Variants in USP14 observed in about 807,000 individuals in gnomAD.
USP14 encodes the protein ubiquitin carboxyl-terminal hydrolase 14.
USP14 carries 38 observed loss-of-function variants against 76.5 expected under a neutral mutation model. That is an observed-to-expected ratio of 0.50 (90% confidence interval 0.38 to 0.65). The LOEUF (loss-of-function observed/expected upper bound fraction) is 0.65, where lower values mean the gene tolerates loss of function less well. Ranked by LOEUF, USP14 falls within the 30% of genes least tolerant of loss-of-function variation. USP14 has a pLI of 0.00. For missense variants in USP14, 467 were observed against 586.5 expected (o/e 0.80, Z 2.10); for synonymous variants, 192 against 191.7 (o/e 1.00, Z -0.01).
At chr18:163,881 C>T (rs1434839907) in intron 2 of USP14, among the ~76,000 whole-genome samples, 2 of 150,614 alleles carry the variant, frequency 1.3e-5, no homozygotes, top group Non-Finnish European at 2.9e-5. Context: ...GTTCCAGTGT[C>T]TTTTGTTCCT....
intron 5 of USP14, among the ~76,000 whole-genome samples, chr18:181,965 G>C (rs981781886): frequency 3.3e-5 from 5 of 152,092 alleles, no homozygotes; most frequent in Non-Finnish European, 7.4e-5. Flanking sequence ...AGTATCATTT[G>C]TTGAAGGCTA....
chr18:174,268 C>CT (rs34265974), intron 3 of USP14, among the ~76,000 whole-genome samples: 4,071 of 130,520 alleles, frequency 0.031, 197 homozygotes, highest in African/African-American at 0.11. Flanking sequence ...GTTTTTCTTT[C>CT]TTTTTTTTTT....
chr18:160,523 C>G (rs1307858761), intron 1 of USP14, among the ~76,000 whole-genome samples: 1 of 152,138 alleles, frequency 6.6e-6, no homozygotes, highest in South Asian at 2.1e-4. Context: ...ACCCCCGTCT[C>G]TAAAAATAAA....
chr18:164,156 A>G (rs998089699), intron 2 of USP14, among the ~76,000 whole-genome samples: 35 of 152,166 alleles, frequency 2.3e-4, no homozygotes, highest in African/African-American at 8.2e-4. Context: ...TTTTTTTCCT[A>G]TGAGGATGTA....
intron 5 of USP14, among the ~76,000 whole-genome samples, chr18:191,423 A>C (rs1313647251): frequency 6.6e-6 from 1 of 152,204 alleles, no homozygotes; most frequent in Non-Finnish European, 1.5e-5. Context: ...TTTTAAATTG[A>C]GATATAATTC....
At chr18:189,629 C>T (rs1022325581) in intron 5 of USP14, among the ~76,000 whole-genome samples, 14 of 152,164 alleles carry the variant, frequency 9.2e-5, no homozygotes, top group African/African-American at 1.7e-4. Flanking sequence ...ACTACAGGCG[C>T]GTGTCACAAC....
chr18:177,566 A>C (rs1909661012), intron 3 of USP14, among the ~76,000 whole-genome samples: 1 of 151,818 alleles, frequency 6.6e-6, no homozygotes, highest in African/African-American at 2.4e-5. Flanking sequence ...TCTTAACTGA[A>C]CTAATTTCCT....
Position 158,581 on chromosome 18 carries a change from C to T in USP14, c.-118C>T, listed in dbSNP as rs1443557871. On this transcript the variant is annotated 5_prime_UTR_variant, in exon 1 of 16. Transcript: ENST00000261601. ...TGAATGAGACTCGTCGCACCGAAGCCGCCGCCACCACCGCGCCTCCGCCTC... is the reference window on the plus strand; with the variant it reads ...TGAATGAGACTCGTCGCACCGAAGCTGCCGCCACCACCGCGCCTCCGCCTC... The T allele has an allele frequency of 4.6e-5, 51 of 1,099,354 alleles. No individual in the cohort carries two copies. The highest frequency in any genetic ancestry group is 2.6e-4 in the South Asian group (17 of 65,714). 68.1% of individuals were successfully genotyped at this position (1,099,354 alleles called of 1,614,324 possible). A position where few individuals can be genotyped will look rare whatever the true frequency, so the allele number is the denominator to read the frequency against.
In USP14 at chr18:158,616, C is replaced by T. The variant is rs1568413025; in HGVS notation, c.-83C>T. 3.4e-6 allele frequency: 5 copies of T among 1,454,288 alleles called. No individual in the cohort carries two copies. Among genetic ancestry groups the T allele is most frequent in the Non-Finnish European group, 3.7e-6 (4 of 1,089,930 alleles). The allele number at this position is 1,454,288 out of a possible 1,614,324, so 90.1% of individuals were successfully genotyped here. ...ACCGCGCCTCCGCCTCGGCCGCCGC[C>T]GCAGCTGCTCCTGGTCCCCGTCCCT... On this transcript the variant is annotated 5_prime_UTR_variant, in exon 1 of 16. Transcript: ENST00000261601.
intron 5 of USP14, among the ~76,000 whole-genome samples, chr18:189,708 C>G (rs1037982707): frequency 1.3e-5 from 2 of 152,144 alleles, no homozygotes; most frequent in African/African-American, 4.8e-5. Context: ...GTCTCGATCT[C>G]TTGACCTCGT....
intron 2 of USP14, among the ~76,000 whole-genome samples, chr18:164,942 CTAT>C (rs932772115): frequency 2.6e-5 from 4 of 152,104 alleles, no homozygotes; most frequent in Middle Eastern, 3.4e-3. Context: ...AAGAAGATAT[CTAT>C]TATTATTATT....
Position 210,042 on chromosome 18 carries a change from T to G in USP14, c.1225+11T>G, listed in dbSNP as rs949270661. Reference sequence around the variant, plus strand: ...TTTCTTTTGCTGATGGTAAGTAACATTCTCATTTTAATTGAGTTATTGTAT... The same window carrying G: ...TTTCTTTTGCTGATGGTAAGTAACAGTCTCATTTTAATTGAGTTATTGTAT... On this transcript the variant is annotated intron_variant, in intron 14 of 15. Transcript: ENST00000261601. 2 of 1,591,578 alleles carry G rather than the reference T, an allele frequency of 1.3e-6. No homozygotes were observed. The highest frequency in any genetic ancestry group is 1.8e-5 in the Admixed American group (1 of 56,412).
chr18:186,913 A>T (rs1297524241), intron 5 of USP14, among the ~76,000 whole-genome samples: 1 of 152,210 alleles, frequency 6.6e-6, no homozygotes, highest in Non-Finnish European at 1.5e-5. Context: ...TCTGCAGTAC[A>T]TCTTGATGCA....
At position 197,671 on chromosome 18, in the gene USP14, C is replaced by T. The variant is rs369296322; in HGVS notation, c.650C>T (p.Ala217Val). Residue 217 changes from alanine (A) to valine (V), a missense_variant, in exon 8 of 16, where the codon GCA becomes GTA. Ala to Val is a moderately conservative substitution (Grantham distance 64, BLOSUM62 0). Coordinates refer to ENST00000261601, the MANE Select transcript of USP14 (RefSeq NM_005151.4). ...CGAGTATTGCAACAGAAATTGGAAG[C>T]AATAGAGGATGATTCTGTTAAAGAG... ...MMRVLQQKLE[A>V]IEDDSVKETD... The T allele has an allele frequency of 6.8e-6, 11 of 1,611,550 alleles. No homozygotes were observed. Among genetic ancestry groups the T allele is most frequent in the Non-Finnish European group, 9.3e-6 (11 of 1,178,778 alleles).
rs1910698868 is a variant in USP14, at chr18:212,588, A to G, written c.*1304A>G. On this transcript the variant is annotated 3_prime_UTR_variant, in exon 16 of 16. Transcript: ENST00000261601. ...CACTGCACTCCAGCCTGGGTGACAGAGAGACTCTGTCTCAAAAAAAAAAAG... is the reference window on the plus strand; with the variant it reads ...CACTGCACTCCAGCCTGGGTGACAGGGAGACTCTGTCTCAAAAAAAAAAAG... 6.6e-6 allele frequency: 1 copy of G among 151,624 alleles called. No homozygotes were observed. Among genetic ancestry groups the G allele is most frequent in the Non-Finnish European group, 1.5e-5 (1 of 67,850 alleles). 9.4% of individuals were successfully genotyped at this position (151,624 alleles called of 1,614,324 possible). A position where few individuals can be genotyped will look rare whatever the true frequency, so the allele number is the denominator to read the frequency against.
At chr18:203,734 C>T (rs1297990598) in intron 12 of USP14, among the ~76,000 whole-genome samples, 2 of 152,072 alleles carry the variant, frequency 1.3e-5, no homozygotes, top group African/African-American at 2.4e-5. Flanking sequence ...CTCAACCTCC[C>T]GAGTAGCTGG....
intron 5 of USP14, among the ~76,000 whole-genome samples, chr18:180,754 C>T (rs1186002844): frequency 1.3e-5 from 2 of 152,056 alleles, no homozygotes; most frequent in Non-Finnish European, 2.9e-5. Flanking sequence ...ACACGTAACA[C>T]CTCATTCCTA....
intron 5 of USP14, among the ~76,000 whole-genome samples, chr18:192,345 C>G (rs1910113575): frequency 6.6e-6 from 1 of 152,120 alleles, no homozygotes. Context: ...GGGTGGATCA[C>G]CTGAGGTCAG....
At position 162,306 on chromosome 18, in the gene USP14, C is replaced by T. The variant is rs752694169; in HGVS notation, c.17-1002C>T. On this transcript the variant is annotated intron_variant, in intron 1 of 15. Coordinates refer to ENST00000261601, the MANE Select transcript of USP14 (RefSeq NM_005151.4). ...GGTAATTCTATGTTTACTTTTATTCCCCCCAGCAGTGTACAAGTGTTCCAG... is the reference window on the plus strand; with the variant it reads ...GGTAATTCTATGTTTACTTTTATTCTCCCCAGCAGTGTACAAGTGTTCCAG... 4.6e-5 allele frequency among the ~76,000 whole-genome samples: 7 copies of T among 152,066 alleles called. No individual in the cohort carries two copies. In the South Asian group the frequency reaches 1.0e-3, roughly 23 times the overall value.
Sources: allele counts gnomAD v4.1 joint callset (sites outside exome capture counted in the v4.1 genomes callset), GRCh38; gene constraint gnomAD v4.1.1; transcripts MANE v1.5; gene names NCBI Gene and HGNC (gene_info 2026-07-23, HGNC 2026-07-21).